Variants in FAM53A observed in about 807,000 individuals in gnomAD.
FAM53A encodes family with sequence similarity 53 member A.
FAM53A carries 28 observed loss-of-function variants against 26.6 expected under a neutral mutation model. That is an observed-to-expected ratio of 1.05 (90% CI 0.78 to 1.45). The LOEUF (loss-of-function observed/expected upper bound fraction) is 1.45, where lower values mean the gene tolerates loss of function less well. FAM53A is among the 40% of genes most tolerant of loss of function. FAM53A has a pLI of 0.00. For synonymous variants in FAM53A, 290 were observed against 253.1 expected, an observed-to-expected ratio of 1.15 and a Z score of -1.38; for missense variants, 650 against 575.8, an observed-to-expected ratio of 1.13 and a Z score of -1.32.
intron 1 of FAM53A, among the ~76,000 whole-genome samples, chr4:1,634,108 G>C (rs945997439): frequency 1.3e-5 from 2 of 152,166 alleles, no homozygotes; most frequent in African/African-American, 4.8e-5. Context: ...GCCTGTGAGG[G>C]AACCGGGGCC....
chr4:1,685,400 A>G (rs940288864), upstream of FAM53A, among the ~76,000 whole-genome samples: 1 of 151,420 alleles, frequency 6.6e-6, no homozygotes, highest in Non-Finnish European at 1.5e-5. Context: ...TCCCCTGGCC[A>G]CCGTGGGGCT....
At chr4:1,651,835 T>C (rs962475217) in intron 4 of FAM53A, among the ~76,000 whole-genome samples, 1 of 136,244 alleles carries the variant, frequency 7.3e-6, no homozygotes, top group African/African-American at 2.6e-5. Flanking sequence ...CGGGGCTGCA[T>C]GGATCTGAGG....
At chr4:1,596,207 G>C in the FAM53A span, among the ~76,000 whole-genome samples, 1 of 152,226 alleles carries the variant, frequency 6.6e-6, no homozygotes, top group African/African-American at 2.4e-5. Context: ...GGTGGGGGCT[G>C]AGTTCTGACT....
chr4:1,678,355 C>T (rs961193167), intron 1 of FAM53A, among the ~76,000 whole-genome samples: 6 of 152,138 alleles, frequency 3.9e-5, no homozygotes, highest in Admixed American at 2.0e-4. Flanking sequence ...AATAAAAAGA[C>T]AGTGTGGGAT....
At chr4:1,607,940 CAA>C in the FAM53A span, among the ~76,000 whole-genome samples, 34 of 121,764 alleles carry the variant, frequency 2.8e-4, no homozygotes, top group Admixed American at 4.4e-4. Flanking sequence ...GACTCCGTCT[CAA>C]AAAAAAAAAA....
chr4:1,642,012 C>A (rs1711762967), intron 4 of FAM53A, among the ~76,000 whole-genome samples: 1 of 152,116 alleles, frequency 6.6e-6, no homozygotes, highest in Non-Finnish European at 1.5e-5. Flanking sequence ...GTGCCTTGTG[C>A]CTCCACTTCT....
At chr4:1,677,482 C>G (rs977403812) in intron 1 of FAM53A, among the ~76,000 whole-genome samples, 1 of 152,226 alleles carries the variant, frequency 6.6e-6, no homozygotes, top group Non-Finnish European at 1.5e-5. Context: ...TGTCTTCACG[C>G]TTATCTCTAA....
Position 1,641,218 on chromosome 4 carries a change from G to C in FAM53A, c.*75C>G. 6.8e-7 allele frequency: 1 copy of C among 1,462,028 alleles called. No homozygotes were observed. Among genetic ancestry groups the C allele is most frequent in the South Asian group, 1.3e-5 (1 of 78,874 alleles). 90.6% of individuals were successfully genotyped at this position (1,462,028 alleles called of 1,614,324 possible). The stretch of plus-strand genomic sequence containing the variant: ...AGGTGCCGGGCCGTGGCCCCGACCA[G>C]CTCACAGGAAACCTACTCTGTGCCC... On this transcript the variant is annotated 3_prime_UTR_variant, in exon 5 of 5. Transcript: ENST00000308132.
At chr4:1,627,009 A>G (rs2108760432) in intron 1 of FAM53A, among the ~76,000 whole-genome samples, 1 of 152,304 alleles carries the variant, frequency 6.6e-6, no homozygotes, top group East Asian at 1.9e-4. Flanking sequence ...GGCTTGGCAA[A>G]GAGTGGCAAC....
chr4:1,648,950 T>TA (rs1473561956), intron 4 of FAM53A, among the ~76,000 whole-genome samples: 3 of 152,094 alleles, frequency 2.0e-5, no homozygotes, highest in Non-Finnish European at 4.4e-5. Context: ...CCATCTCTAC[T>TA]AAAAATACAA....
At chr4:1,575,913 C>G in the FAM53A span, among the ~76,000 whole-genome samples, 5 of 152,112 alleles carry the variant, frequency 3.3e-5, no homozygotes, top group African/African-American at 1.2e-4. Flanking sequence ...ACCTCACCCC[C>G]GGGACCCCCT....
At chr4:1,606,864 G>A in the FAM53A span, among the ~76,000 whole-genome samples, 1 of 152,224 alleles carries the variant, frequency 6.6e-6, no homozygotes, top group Non-Finnish European at 1.5e-5. Flanking sequence ...TGTACCCAGA[G>A]GCGGAATTTC....
At chr4:1,603,800 T>C in the FAM53A span, among the ~76,000 whole-genome samples, 77 of 152,308 alleles carry the variant, frequency 5.1e-4, no homozygotes, top group African/African-American at 1.7e-3. Context: ...TCACAAAACA[T>C]GGCCCCAGGG....
intron 1 of FAM53A, among the ~76,000 whole-genome samples, chr4:1,633,722 C>CG (rs1057254982): frequency 7.9e-5 from 12 of 152,136 alleles, no homozygotes; most frequent in African/African-American, 2.9e-4. Flanking sequence ...CAAGGGAGCC[C>CG]GGGACCGAGA....
chr4:1,577,493 A>C, the FAM53A span, among the ~76,000 whole-genome samples: 3 of 152,146 alleles, frequency 2.0e-5, no homozygotes, highest in African/African-American at 7.2e-5. Flanking sequence ...TGGCCCCAGC[A>C]GCAGCGGTGA....
At chr4:1,638,131 G>A (rs1371498918), downstream of FAM53A, among the ~76,000 whole-genome samples, 1 of 151,994 alleles carries the variant, frequency 6.6e-6, no homozygotes, top group African/African-American at 2.4e-5. Context: ...CCCCAAGGCT[G>A]CCCCCGGCCT....
chr4:1,620,364 T>A (rs2108742017), intron 1 of FAM53A, among the ~76,000 whole-genome samples: 1 of 152,174 alleles, frequency 6.6e-6, no homozygotes, highest in South Asian at 2.1e-4. Flanking sequence ...CTGAGCTCTG[T>A]CTTCTCACTT....
rs575082875 is a variant in FAM53A, at chr4:1,619,483, G to A, written c.432-1372C>T. On this transcript the variant is annotated intron_variant, in intron 1 of 1. Coordinates refer to the FAM53A transcript ENST00000489029. Reference sequence around the variant, plus strand: ...CACTTCAGGACTGGCCGGCCTTCCCGCCCTGTTCCCAGACTCATGCACCTG... The same window carrying A: ...CACTTCAGGACTGGCCGGCCTTCCCACCCTGTTCCCAGACTCATGCACCTG... Among the ~76,000 whole-genome samples the A allele has an allele frequency of 5.9e-5, 9 of 152,300 alleles. No homozygotes were observed. In the South Asian group the frequency reaches 1.5e-3, roughly 25 times the overall value.
chr4:1,619,014 C>T (rs1714916126), intron 1 of FAM53A, among the ~76,000 whole-genome samples: 2 of 152,228 alleles, frequency 1.3e-5, no homozygotes, highest in African/African-American at 4.8e-5. Flanking sequence ...GAAGGGGATG[C>T]CGCAGAGCGT....
Sources: gnomAD v4.1 joint callset for allele counts (sites outside exome capture counted in the v4.1 genomes callset) on GRCh38, gnomAD v4.1.1 for gene constraint, MANE v1.5 for transcripts, NCBI Gene and HGNC (gene_info 2026-07-23, HGNC 2026-07-21) for gene names.